THSD7A: variants seen among roughly 807,000 people sequenced by gnomAD.
THSD7A encodes thrombospondin type 1 domain containing 7A, also known as thrombospondin type-1 domain-containing protein 7A.
Under a neutral mutation model 231.3 loss-of-function variants are expected in THSD7A, and 96 were observed. That is an observed-to-expected ratio of 0.41 (90% CI 0.35 to 0.49). The LOEUF is 0.49. THSD7A is among the 20% of genes least tolerant of loss of function. The probability of loss-of-function intolerance (pLI) is 0.05; values close to 1 mark genes in which losing one functional copy is unlikely to be tolerated. For missense variants in THSD7A, 2,290 were observed against 2,070.2 expected (o/e 1.11, Z -2.06); for synonymous variants, 940 against 743.3 (o/e 1.26, Z -4.30).
At chr7:11,604,807 C>A (rs1361978502) in intron 2 of THSD7A, among the ~76,000 whole-genome samples, 1 of 151,954 alleles carries the variant, frequency 6.6e-6, no homozygotes, top group Non-Finnish European at 1.5e-5. Flanking sequence ...AGCATATATC[C>A]AGTAGGCAGA....
At chr7:11,518,198 T>A (rs1788113959) in intron 6 of THSD7A, among the ~76,000 whole-genome samples, 1 of 152,176 alleles carries the variant, frequency 6.6e-6, no homozygotes, top group South Asian at 2.1e-4. Flanking sequence ...ATCTTACAGT[T>A]TAAATTGGAG....
chr7:11,696,599 C>G (rs531273550), intron 1 of THSD7A, among the ~76,000 whole-genome samples: 9 of 151,192 alleles, frequency 6.0e-5, no homozygotes, highest in South Asian at 4.1e-4. Context: ...CCCCCTCCCC[C>G]CGACAGGCCC....
chr7:11,387,736 C>T (rs577100419), intron 23 of THSD7A, among the ~76,000 whole-genome samples: 92 of 152,212 alleles, frequency 6.0e-4, no homozygotes, highest in African/African-American at 1.9e-3. Context: ...CCAGAACTTC[C>T]CATACTATGT....
chr7:11,639,568 T>C (rs967236502), intron 1 of THSD7A, among the ~76,000 whole-genome samples: 46 of 151,982 alleles, frequency 3.0e-4, no homozygotes, highest in Non-Finnish European at 2.5e-4. Flanking sequence ...CTCGGGAGGC[T>C]GAGGCAGGAG....
intron 17 of THSD7A, among the ~76,000 whole-genome samples, chr7:11,416,684 A>G (rs1783970088): frequency 6.6e-6 from 1 of 152,192 alleles, no homozygotes; most frequent in Non-Finnish European, 1.5e-5. Context: ...ATAATTCCAT[A>G]TTAGTTATTT....
In THSD7A at chr7:11,769,122, A is replaced by AATATATATATAT. The variant is rs1219135740; in HGVS notation, c.190+62623_190+62634dup. On this transcript the variant is annotated intron_variant, in intron 1 of 27. Coordinates refer to ENST00000423059, the MANE Select transcript of THSD7A (RefSeq NM_015204.3). ...ACAGGCACCTGCCATAATTCCTGGC[A>AATATATATATAT]ATATATATATATATATATATATATA... 6.1e-4 allele frequency among the ~76,000 whole-genome samples: 22 copies of AATATATATATAT among 35,886 alleles called. 1 individual carries two copies. The highest frequency in any genetic ancestry group is 6.9e-4 in the Non-Finnish European group (13 of 18,882). The allele number at this position is 35,886 out of a possible 152,430, so 23.5% of individuals were successfully genotyped here.
At chr7:11,655,178 T>C (rs1782657940) in intron 1 of THSD7A, among the ~76,000 whole-genome samples, 3 of 152,026 alleles carry the variant, frequency 2.0e-5, no homozygotes, top group Non-Finnish European at 4.4e-5. Flanking sequence ...AAACTGTTTT[T>C]GTAAATTATC....
Position 11,376,677 on chromosome 7 carries a change from G to T in THSD7A, c.4802-20C>A. 1 of 1,530,058 alleles carries T rather than the reference G, an allele frequency of 6.5e-7. No individual in the cohort carries two copies. Among genetic ancestry groups the T allele is most frequent in the Non-Finnish European group, 8.9e-7 (1 of 1,125,662 alleles). 94.8% of individuals were successfully genotyped at this position (1,530,058 alleles called of 1,614,324 possible). A position where few individuals can be genotyped will look rare whatever the true frequency, so the allele number is the denominator to read the frequency against. On this transcript the variant is annotated intron_variant, in intron 26 of 27. Coordinates refer to ENST00000423059, the MANE Select transcript of THSD7A (RefSeq NM_015204.3). ...TCCCATCTAAGAAGAATGGATATTA[G>T]TTATTAATTTACATTAGTCTGGTAT...
chr7:11,444,713 C>T lies in THSD7A; in HGVS notation c.3064+1348G>A, dbSNP rs543173138. 2.0e-3 allele frequency among the ~76,000 whole-genome samples: 304 copies of T among 151,196 alleles called. 1 individual carries two copies. Among genetic ancestry groups the T allele is most frequent in the African/African-American group, 6.9e-3 (285 of 41,180 alleles). ...CGTGTATACCTATGTTGCAAACCTG[C>T]ACTTTCTGTACATGTATCCCAGAAC... On this transcript the variant is annotated intron_variant, in intron 13 of 27. Transcript: ENST00000423059. The surrounding 1 kb of genome is among the most constrained non-coding windows in gnomAD (Gnocchi z 4.2).
Position 11,832,048 on chromosome 7 carries a change from C to CT in THSD7A, c.-103dup. On this transcript the variant is annotated 5_prime_UTR_variant, in exon 1 of 28. Transcript: ENST00000423059. ...TTCAAAGAGTACAGAAAGCAAAGCT[C>CT]TTTCCTGCTATTGTTCGCTTCAGAT... is the stretch of plus-strand genomic sequence containing the variant. The CT allele has an allele frequency of 1.3e-6, 1 of 769,012 alleles. No homozygotes were observed. Among genetic ancestry groups the CT allele is most frequent in the South Asian group, 6.4e-5 (1 of 15,560 alleles). The allele number at this position is 769,012 out of a possible 1,614,324, so 47.6% of individuals were successfully genotyped here.
chr7:11,538,265 T>A (rs940971471), intron 6 of THSD7A, among the ~76,000 whole-genome samples: 3 of 142,930 alleles, frequency 2.1e-5, no homozygotes, highest in Admixed American at 6.9e-5. Flanking sequence ...CATAACTGAC[T>A]TTTTTTTCGA....
intron 4 of THSD7A, among the ~76,000 whole-genome samples, chr7:11,561,467 T>G (rs1790073529): frequency 6.6e-6 from 1 of 152,244 alleles, no homozygotes; most frequent in African/African-American, 2.4e-5. Context: ...TGGGATATTC[T>G]GCACTTATAC....
chr7:11,543,106 T>C lies in THSD7A; in HGVS notation c.1465A>G (p.Met489Val), dbSNP rs138036985. The C allele has an allele frequency of 2.1e-4, 342 of 1,611,272 alleles. 1 individual carries two copies. In the African/African-American group the frequency reaches 3.9e-3, roughly 18 times the overall value. Residue 489 changes from methionine (M) to valine (V), a missense_variant, in exon 5 of 28, where the codon ATG becomes GTG. Met to Val is a conservative substitution (Grantham distance 21, BLOSUM62 1). Transcript: ENST00000423059. The stretch of plus-strand genomic sequence containing the variant: ...GGTCCAGTGCATAATTTTAAGTCCA[T>C]TGGCTTTGAGGCTAGAGAAAAATAC... ...THKNKEASKP[M>V]DLKLCTGPIP...
intron 1 of THSD7A, among the ~76,000 whole-genome samples, chr7:11,664,529 T>C (rs558440019): frequency 7.4e-4 from 112 of 152,144 alleles, no homozygotes; most frequent in African/African-American, 2.6e-3. Context: ...GAAATCCCAC[T>C]TGACATTTTA....
At chr7:11,713,719 G>T (rs1206342848) in intron 1 of THSD7A, among the ~76,000 whole-genome samples, 1 of 151,144 alleles carries the variant, frequency 6.6e-6, no homozygotes, top group Non-Finnish European at 1.5e-5. Context: ...AGAGCCCATT[G>T]TGTCTCAGTC....
At chr7:11,434,961 TAGTAA>T (rs1021978719) in intron 13 of THSD7A, among the ~76,000 whole-genome samples, 6 of 151,982 alleles carry the variant, frequency 3.9e-5, no homozygotes, top group African/African-American at 1.4e-4. Flanking sequence ...TTAATTATCA[TAGTAA>T]AGTACCCAGG....
At chr7:11,758,296 C>T (rs1782748617) in intron 1 of THSD7A, among the ~76,000 whole-genome samples, 1 of 151,838 alleles carries the variant, frequency 6.6e-6, no homozygotes, top group Non-Finnish European at 1.5e-5. Context: ...GAACTGATGT[C>T]TAGAGAAATC....
At chr7:11,750,470 C>A (rs1782461847) in intron 1 of THSD7A, among the ~76,000 whole-genome samples, 1 of 151,838 alleles carries the variant, frequency 6.6e-6, no homozygotes, top group South Asian at 2.1e-4. Context: ...AGCTTGTTCC[C>A]TTTTTTAATT....
intron 4 of THSD7A, among the ~76,000 whole-genome samples, chr7:11,579,842 A>G (rs1260397194): frequency 6.6e-6 from 1 of 152,140 alleles, no homozygotes; most frequent in Non-Finnish European, 1.5e-5. Context: ...TATGGGGAAA[A>G]CAAGGCTTTT....
Sources: gnomAD v4.1 joint callset for allele counts (sites outside exome capture counted in the v4.1 genomes callset) on GRCh38, gnomAD v4.1.1 for gene constraint, Gnocchi (gnomAD v3.1) non-coding constraint, MANE v1.5 for transcripts, NCBI Gene and HGNC (gene_info 2026-07-23, HGNC 2026-07-21) for gene names.